Variants in PDE4B observed in about 807,000 individuals in gnomAD.
PDE4B encodes 3',5'-cyclic-AMP phosphodiesterase 4B.
PDE4B carries 20 observed loss-of-function variants against 82.2 expected under a neutral mutation model. The ratio of observed to expected loss-of-function variants is 0.24; its 90% CI spans 0.17 to 0.35. The LOEUF (loss-of-function observed/expected upper bound fraction) is 0.35. PDE4B is among the 10% of genes least tolerant of loss of function. The pLI is 1.00. For missense variants in PDE4B, 655 were observed against 907.2 expected, an observed-to-expected ratio of 0.72 and a Z score of 3.57; for synonymous variants, 320 against 318.9, an observed-to-expected ratio of 1.00 and a Z score of -0.04.
At chr1:65,837,464 C>A (rs942088050) in intron 1 of PDE4B, among the ~76,000 whole-genome samples, 1 of 152,098 alleles carries the variant, frequency 6.6e-6, no homozygotes, top group African/African-American at 2.4e-5. Flanking sequence ...AAAAATTAGT[C>A]AGGTGTGATG....
chr1:65,909,878 T>C (rs1257515666), intron 1 of PDE4B, among the ~76,000 whole-genome samples: 1 of 152,118 alleles, frequency 6.6e-6, no homozygotes, highest in Admixed American at 6.5e-5. Flanking sequence ...GGAGCATGGC[T>C]CCAGGAAACT....
chr1:65,893,509 G>A (rs891021957), intron 1 of PDE4B, among the ~76,000 whole-genome samples: 8 of 152,048 alleles, frequency 5.3e-5, no homozygotes, highest in Non-Finnish European at 8.8e-5. Context: ...ATGTTGGCAT[G>A]GATGTGGTGA....
intron 14 of PDE4B, 32 bp from the exon 15 acceptor site, chr1:66,367,911 T>A: frequency 1.9e-6 from 3 of 1,613,222 alleles, no homozygotes; most frequent in Non-Finnish European, 2.5e-6. Context: ...AGACTGAATT[T>A]ATTAAGAGTT....
At chr1:65,918,534 C>A in intron 2 of PDE4B, 63 bp from the exon 3 acceptor site, 1 of 946,534 alleles carries the variant, frequency 1.1e-6, no homozygotes, top group Non-Finnish European at 1.7e-6. Context: ...TTCTTTCACT[C>A]CATTTAACAT....
chr1:65,966,914 G>T (rs766527049), intron 3 of PDE4B, among the ~76,000 whole-genome samples: 5 of 152,042 alleles, frequency 3.3e-5, no homozygotes, highest in Non-Finnish European at 5.9e-5. Flanking sequence ...TTAAACATAA[G>T]ATCTAAAACC....
intron 1 of PDE4B, among the ~76,000 whole-genome samples, chr1:65,824,793 A>G (rs1429741071): frequency 6.6e-6 from 1 of 152,194 alleles, no homozygotes; most frequent in Admixed American, 6.5e-5. Flanking sequence ...TTGATGCTGA[A>G]TACAGCTTTG....
intron 1 of PDE4B, among the ~76,000 whole-genome samples, chr1:65,794,467 G>A (rs1263740203): frequency 6.6e-6 from 1 of 152,178 alleles, no homozygotes; most frequent in Non-Finnish European, 1.5e-5. Flanking sequence ...ACAACCTGAA[G>A]TGTAGGTAGG....
At chr1:65,994,716 T>A (rs1285438252) in intron 3 of PDE4B, among the ~76,000 whole-genome samples, 1 of 152,146 alleles carries the variant, frequency 6.6e-6, no homozygotes, top group Non-Finnish European at 1.5e-5. Context: ...AATATTAAAT[T>A]GCTATTTTAA....
chr1:66,169,654 A>AT, intron 3 of PDE4B, among the ~76,000 whole-genome samples: 2 of 152,164 alleles, frequency 1.3e-5, no homozygotes, highest in Non-Finnish European at 2.9e-5. Flanking sequence ...AAGGGGAGAG[A>AT]ATTGTATTTG....
intron 3 of PDE4B, among the ~76,000 whole-genome samples, chr1:66,141,109 A>G (rs960307114): frequency 6.6e-6 from 1 of 152,008 alleles, no homozygotes; most frequent in Non-Finnish European, 1.5e-5. Flanking sequence ...GTATGTGTGT[A>G]GTATAAGCTA....
intron 3 of PDE4B, chr1:65,992,920 A>G (rs749271508): frequency 1.9e-6 from 3 of 1,613,684 alleles, no homozygotes; most frequent in Non-Finnish European, 2.5e-6. Flanking sequence ...ACAGCAAAAG[A>G]TTCTTCAAAG....
chr1:65,876,822 T>C (rs746501729), intron 1 of PDE4B, among the ~76,000 whole-genome samples: 7 of 151,974 alleles, frequency 4.6e-5, no homozygotes, highest in Non-Finnish European at 8.8e-5. Context: ...AAATAAAATA[T>C]CTAGAAATAC....
At chr1:66,142,820 A>G (rs1180502966) in intron 3 of PDE4B, among the ~76,000 whole-genome samples, 1 of 152,178 alleles carries the variant, frequency 6.6e-6, no homozygotes, top group Non-Finnish European at 1.5e-5. Context: ...TACAGCCTTC[A>G]GTTCAGAAAA....
intron 3 of PDE4B, among the ~76,000 whole-genome samples, chr1:66,205,233 G>A (rs1649451941): frequency 1.3e-5 from 2 of 152,210 alleles, no homozygotes; most frequent in Non-Finnish European, 1.5e-5. Flanking sequence ...ACAGTAAAAT[G>A]TCAAGACATA....
intron 1 of PDE4B, among the ~76,000 whole-genome samples, chr1:65,875,756 T>A (rs1571052291): frequency 1.6e-5 from 2 of 128,736 alleles, no homozygotes; most frequent in African/African-American, 3.0e-5. Flanking sequence ...AACAATGAGA[T>A]CACATGGACA....
chr1:66,180,892 A>G (rs1193045551), intron 3 of PDE4B, among the ~76,000 whole-genome samples: 4 of 152,216 alleles, frequency 2.6e-5, no homozygotes, highest in Non-Finnish European at 5.9e-5. Flanking sequence ...CTGAAACACA[A>G]TAATACATAT....
At chr1:66,057,855 A>C (rs1233191806) in intron 3 of PDE4B, among the ~76,000 whole-genome samples, 1 of 152,158 alleles carries the variant, frequency 6.6e-6, no homozygotes, top group African/African-American at 2.4e-5. Context: ...AAACCATATC[A>C]TTCTGCCCCT....
At chr1:66,131,342 T>A (rs1645938307) in intron 3 of PDE4B, among the ~76,000 whole-genome samples, 1 of 151,756 alleles carries the variant, frequency 6.6e-6, no homozygotes, top group South Asian at 2.1e-4. Flanking sequence ...TTTGACCTTA[T>A]TATTTCCAAT....
At chr1:66,121,556 AAGAT>A (rs1645710057) in intron 3 of PDE4B, among the ~76,000 whole-genome samples, 1 of 152,198 alleles carries the variant, frequency 6.6e-6, no homozygotes, top group African/African-American at 2.4e-5. Context: ...CTAGACAAGA[AAGAT>A]GTGCCTTGCC....
Sources: allele counts gnomAD v4.1 joint callset (sites outside exome capture counted in the v4.1 genomes callset), GRCh38; gene constraint gnomAD v4.1.1; transcripts MANE v1.5; gene names NCBI Gene and HGNC (gene_info 2026-07-23, HGNC 2026-07-21).